Variants in WASF3 observed in about 807,000 individuals in gnomAD.
WASF3 encodes WASP family member 3, also known as actin-binding protein WASF3.
A neutral mutation model predicts 46.6 loss-of-function variants in WASF3; 11 were observed. The ratio of observed to expected loss-of-function variants is 0.24; its 90% confidence interval spans 0.15 to 0.39. The LOEUF (loss-of-function observed/expected upper bound fraction) is 0.39. Ranked by LOEUF, WASF3 falls within the 10% of genes least tolerant of loss-of-function variation. WASF3 has a pLI of 1.00. For synonymous variants in WASF3, 242 were observed against 259.7 expected (o/e 0.93, Z 0.65); for missense variants, 576 against 669.8 (o/e 0.86, Z 1.55).
At chr13:26,597,998 G>T (rs1880527257) in intron 1 of WASF3, among the ~76,000 whole-genome samples, 1 of 152,148 alleles carries the variant, frequency 6.6e-6, no homozygotes, top group African/African-American at 2.4e-5. Context: ...GGATTGCTGG[G>T]TCAAATGGTA....
At chr13:26,624,068 C>T (rs1881391979) in intron 2 of WASF3, among the ~76,000 whole-genome samples, 1 of 152,116 alleles carries the variant, frequency 6.6e-6, no homozygotes, top group South Asian at 2.1e-4. Flanking sequence ...AAATGATATC[C>T]AGCATTCAGC....
At chr13:26,605,612 C>A (rs566147365) in intron 1 of WASF3, among the ~76,000 whole-genome samples, 13 of 152,286 alleles carry the variant, frequency 8.5e-5, no homozygotes, top group Middle Eastern at 3.4e-3. Context: ...AGATTTGTCA[C>A]AGTGAAGAAT....
the WASF3 span, among the ~76,000 whole-genome samples, chr13:26,550,618 T>A: frequency 6.6e-6 from 1 of 152,162 alleles, no homozygotes; most frequent in Non-Finnish European, 1.5e-5. Context: ...TTATATGCCA[T>A]CCCCCTTCCT....
chr13:26,624,911 T>C (rs760656083), intron 2 of WASF3, among the ~76,000 whole-genome samples: 1 of 152,048 alleles, frequency 6.6e-6, no homozygotes, highest in Non-Finnish European at 1.5e-5. Flanking sequence ...TATTTTTAAA[T>C]TAAAGGCCAA....
intron 3 of WASF3, among the ~76,000 whole-genome samples, chr13:26,644,112 C>A (rs1291791715): frequency 6.6e-6 from 1 of 152,040 alleles, no homozygotes; most frequent in African/African-American, 2.4e-5. Flanking sequence ...TGGGAAGGAC[C>A]CAACTGCCAT....
At chr13:26,655,953 C>T (rs9512306) in intron 3 of WASF3, among the ~76,000 whole-genome samples, 26,056 of 151,974 alleles carry the variant, frequency 0.17, 2,568 homozygotes, top group South Asian at 0.26. Context: ...TGCCCTCAGC[C>T]CTGGAGTCAT....
chr13:26,666,295 G>A (rs1882768699), intron 4 of WASF3, among the ~76,000 whole-genome samples: 1 of 152,130 alleles, frequency 6.6e-6, no homozygotes, highest in Non-Finnish European at 1.5e-5. Context: ...TTTGTTGGCT[G>A]TTGCCGTTAG....
At chr13:26,620,441 ATTTAT>A (rs1351999822) in intron 2 of WASF3, 3 of 152,160 alleles carry the variant, frequency 2.0e-5, no homozygotes, top group African/African-American at 7.2e-5. Context: ...GAATTTAGTG[ATTTAT>A]TTAACTTTAA....
At chr13:26,605,956 G>A (rs574239005) in intron 1 of WASF3, among the ~76,000 whole-genome samples, 1 of 152,288 alleles carries the variant, frequency 6.6e-6, no homozygotes, top group Non-Finnish European at 1.5e-5. Flanking sequence ...AATCCACATT[G>A]ATTGAGAGGG....
At chr13:26,591,472 C>T (rs1328247099) in intron 1 of WASF3, among the ~76,000 whole-genome samples, 1 of 152,014 alleles carries the variant, frequency 6.6e-6, no homozygotes, top group Non-Finnish European at 1.5e-5. Context: ...GTAGGATTTA[C>T]TGGTGGATCT....
chr13:26,581,957 T>C lies in WASF3; in HGVS notation c.-109+24138T>C, dbSNP rs374318296. Among the ~76,000 whole-genome samples the C allele has an allele frequency of 2.2e-4, 33 of 152,374 alleles. 1 individual carries two copies. In the East Asian group the frequency reaches 2.7e-3, roughly 12 times the overall value. ...ACATTCCTTGAGTATTTGATAGATT[T>C]GTGGTTTATAGACAGTAAATTCTAT... On this transcript the variant is annotated intron_variant, in intron 1 of 9. Coordinates refer to ENST00000335327, the MANE Select transcript of WASF3 (RefSeq NM_006646.6).
At chr13:26,547,291 A>G in the WASF3 span, among the ~76,000 whole-genome samples, 1 of 152,282 alleles carries the variant, frequency 6.6e-6, no homozygotes, top group Non-Finnish European at 1.5e-5. Flanking sequence ...GTGCAATAAT[A>G]TAGGGTATAA....
At chr13:26,597,633 A>G (rs67726558) in intron 1 of WASF3, among the ~76,000 whole-genome samples, 7,527 of 152,198 alleles carry the variant, frequency 0.049, 644 homozygotes, top group African/African-American at 0.17. Flanking sequence ...CCCCCAGAAC[A>G]GGCCCCGGTG....
At chr13:26,590,140 G>A (rs1880246725) in intron 1 of WASF3, among the ~76,000 whole-genome samples, 1 of 152,166 alleles carries the variant, frequency 6.6e-6, no homozygotes, top group African/African-American at 2.4e-5. Flanking sequence ...TTGTCAGAAT[G>A]TTCTTGGTTT....
At chr13:26,634,542 G>A (rs1314227134) in intron 2 of WASF3, among the ~76,000 whole-genome samples, 1 of 152,190 alleles carries the variant, frequency 6.6e-6, no homozygotes, top group Non-Finnish European at 1.5e-5. Context: ...ATGTTAGCTG[G>A]TTATTTTGAC....
chr13:26,565,498 TA>T (rs1032837452), intron 1 of WASF3, among the ~76,000 whole-genome samples: 7 of 152,092 alleles, frequency 4.6e-5, no homozygotes, highest in Admixed American at 2.0e-4. Flanking sequence ...AAAACACATT[TA>T]AAAAAAACCA....
chr13:26,586,088 C>T (rs984364208), intron 1 of WASF3, among the ~76,000 whole-genome samples: 2 of 151,998 alleles, frequency 1.3e-5, no homozygotes, highest in Non-Finnish European at 2.9e-5. Context: ...CCAAAAATAC[C>T]TCATTTGATA....
intron 1 of WASF3, among the ~76,000 whole-genome samples, chr13:26,588,120 G>T (rs1189651796): frequency 6.6e-6 from 1 of 152,122 alleles, no homozygotes; most frequent in African/African-American, 2.4e-5. Flanking sequence ...ATGTTCTTAA[G>T]CAGAAGTAAA....
the WASF3 span, among the ~76,000 whole-genome samples, chr13:26,545,888 G>A: frequency 6.6e-6 from 1 of 152,224 alleles, no homozygotes. Context: ...ACGGACATAA[G>A]CCACTGCACC....
Sources: gnomAD v4.1 joint callset for allele counts (sites outside exome capture counted in the v4.1 genomes callset) on GRCh38, gnomAD v4.1.1 for gene constraint, MANE v1.5 for transcripts, NCBI Gene and HGNC (gene_info 2026-07-23, HGNC 2026-07-21) for gene names.